Variants in ROBO2 observed in about 807,000 individuals in gnomAD.
ROBO2 encodes roundabout guidance receptor 2.
ROBO2 carries 53 observed loss-of-function variants against 160.8 expected under a neutral mutation model. That is an observed-to-expected ratio of 0.33 (90% CI 0.26 to 0.41). The LOEUF (loss-of-function observed/expected upper bound fraction) is 0.41. Ranked by LOEUF, ROBO2 falls within the 10% of genes least tolerant of loss-of-function variation. The pLI is 1.00. For missense variants in ROBO2, 1,577 were observed against 1,722.4 expected (o/e 0.92, Z 1.49); for synonymous variants, 664 against 611.7 (o/e 1.09, Z -1.26).
chr3:76,617,231 T>C (rs1214278331), intron 2 of ROBO2, among the ~76,000 whole-genome samples: 1 of 152,152 alleles, frequency 6.6e-6, no homozygotes, highest in Non-Finnish European at 1.5e-5. Flanking sequence ...ATCCTTTCTT[T>C]AAATGTGCAG....
chr3:77,618,590 G>GA (rs2094832063), intron 22 of ROBO2, among the ~76,000 whole-genome samples: 1 of 152,028 alleles, frequency 6.6e-6, no homozygotes, highest in Non-Finnish European at 1.5e-5. Context: ...CTTTGTGCTT[G>GA]AAGTCTGAGT....
intron 2 of ROBO2, among the ~76,000 whole-genome samples, chr3:76,009,080 C>T (rs2066116930): frequency 1.3e-5 from 2 of 152,146 alleles, no homozygotes; most frequent in South Asian, 2.1e-4. Flanking sequence ...TTATAACATA[C>T]TTCACAGGAA....
At chr3:77,449,924 A>C (rs2153561056) in intron 2 of ROBO2, among the ~76,000 whole-genome samples, 1 of 152,160 alleles carries the variant, frequency 6.6e-6, no homozygotes, top group African/African-American at 2.4e-5. Context: ...TTTTTAACTG[A>C]CCACAGAGTA....
chr3:76,780,417 A>G (rs1207813008), intron 2 of ROBO2, among the ~76,000 whole-genome samples: 2 of 150,772 alleles, frequency 1.3e-5, no homozygotes, highest in African/African-American at 2.4e-5. Context: ...TTCTGTGTAG[A>G]AGCTTTTTAG....
At chr3:77,427,914 TA>T (rs1195191703) in intron 2 of ROBO2, among the ~76,000 whole-genome samples, 1 of 152,234 alleles carries the variant, frequency 6.6e-6, no homozygotes, top group Non-Finnish European at 1.5e-5. Flanking sequence ...AGATTAATTT[TA>T]TATTCCGTTT....
In ROBO2 at chr3:76,442,232, C is replaced by CA. The variant is rs1280337746; in HGVS notation, c.109+504637dup. On this transcript the variant is annotated intron_variant, in intron 2 of 26. Coordinates refer to the ROBO2 transcript ENST00000487694. ...TGTTGTATTTTTAAGAATGATAGGA[C>CA]AAAAAAACCCGAGGATATATTGTGT... is the stretch of plus-strand genomic sequence containing the variant. 8.6e-5 allele frequency among the ~76,000 whole-genome samples: 13 copies of CA among 151,988 alleles called. 1 individual carries two copies. The highest frequency in any genetic ancestry group is 2.4e-4 in the African/African-American group (10 of 41,392).
At chr3:76,886,380 A>T (rs925479767) in intron 2 of ROBO2, among the ~76,000 whole-genome samples, 1 of 151,434 alleles carries the variant, frequency 6.6e-6, no homozygotes, top group Non-Finnish European at 1.5e-5. Flanking sequence ...ATGTTTGCAG[A>T]CTTCAGCCTT....
Position 76,675,852 on chromosome 3 carries a change from C to T in ROBO2, c.110-422162C>T, listed in dbSNP as rs111997429. ...AGACATAAATTCATGTTTGTTTCTGCATTTATTGAAGGCAATTTTCCAAGT... is the reference window on the plus strand; with the variant it reads ...AGACATAAATTCATGTTTGTTTCTGTATTTATTGAAGGCAATTTTCCAAGT... On this transcript the variant is annotated intron_variant, in intron 2 of 26. Transcript: ENST00000487694. 1.0e-3 allele frequency among the ~76,000 whole-genome samples: 159 copies of T among 152,164 alleles called. 1 individual carries two copies. Among genetic ancestry groups the T allele is most frequent in the African/African-American group, 3.6e-3 (149 of 41,524 alleles).
chr3:76,691,138 T>TG (rs1167079256), intron 2 of ROBO2, among the ~76,000 whole-genome samples: 7 of 152,086 alleles, frequency 4.6e-5, no homozygotes, highest in Non-Finnish European at 7.4e-5. Flanking sequence ...CCCTCATGAA[T>TG]GGATTCATTC....
At chr3:77,373,724 AG>A (rs1231243908) in intron 2 of ROBO2, among the ~76,000 whole-genome samples, 1 of 152,018 alleles carries the variant, frequency 6.6e-6, no homozygotes, top group Non-Finnish European at 1.5e-5. Context: ...TCCTCTCTAT[AG>A]GGAGAAAATT....
At chr3:77,237,266 A>G (rs2088161349) in intron 2 of ROBO2, among the ~76,000 whole-genome samples, 1 of 141,478 alleles carries the variant, frequency 7.1e-6, no homozygotes, top group Non-Finnish European at 1.5e-5. Flanking sequence ...CAGTGGTGTG[A>G]CCACAGCTCA....
At chr3:77,300,590 G>A (rs940064706) in intron 2 of ROBO2, among the ~76,000 whole-genome samples, 2 of 151,734 alleles carry the variant, frequency 1.3e-5, no homozygotes, top group Non-Finnish European at 2.9e-5. Context: ...AAAATAAATT[G>A]TTGATAAGAG....
At position 76,772,731 on chromosome 3, in the gene ROBO2, T is replaced by A. The variant is rs188423835; in HGVS notation, c.110-325283T>A. 2.0e-5 allele frequency among the ~76,000 whole-genome samples: 3 copies of A among 151,180 alleles called. No homozygotes were observed. The East Asian group carries it at 5.9e-4, about 30-fold the overall frequency. On this transcript the variant is annotated intron_variant, in intron 2 of 26. Transcript: ENST00000487694. ...ATCATGGCATGGTCATTTGCCAGAG[T>A]GGACTATTACTAAATCATGTGGATG...
intron 1 of ROBO2, among the ~76,000 whole-genome samples, chr3:77,081,022 A>G (rs1034644924): frequency 6.6e-6 from 1 of 151,952 alleles, no homozygotes; most frequent in African/African-American, 2.4e-5. Flanking sequence ...GATGAGAAAA[A>G]TTTTGTTCTC....
intron 2 of ROBO2, among the ~76,000 whole-genome samples, chr3:76,544,332 T>G (rs2082977485): frequency 6.6e-6 from 1 of 152,082 alleles, no homozygotes; most frequent in Admixed American, 6.6e-5. Flanking sequence ...TTGATCCATC[T>G]ATGTTTAATC....
chr3:75,964,549 G>A (rs1949037554), intron 2 of ROBO2, among the ~76,000 whole-genome samples: 1 of 151,024 alleles, frequency 6.6e-6, no homozygotes, highest in African/African-American at 2.4e-5. Flanking sequence ...TTTTTATTTT[G>A]TATATATTTG....
exon 1 of ROBO2, chr3:77,040,142 TCTC>T (rs955393334): frequency 1.4e-5 from 14 of 983,994 alleles, no homozygotes; most frequent in South Asian, 1.4e-4. Flanking sequence ...TGATTTCCCT[TCTC>T]CTCTCTTTTG....
At chr3:76,588,948 A>T (rs2086235540) in intron 2 of ROBO2, among the ~76,000 whole-genome samples, 2 of 152,226 alleles carry the variant, frequency 1.3e-5, no homozygotes, top group Non-Finnish European at 2.9e-5. Flanking sequence ...ATCTGAGCAC[A>T]GTTTCTAATA....
At chr3:77,515,752 T>C (rs183182939) in intron 5 of ROBO2, among the ~76,000 whole-genome samples, 2 of 151,842 alleles carry the variant, frequency 1.3e-5, no homozygotes, top group African/African-American at 4.8e-5. Context: ...AAAATCTTTG[T>C]AATATAGTTG....
Sources: allele counts gnomAD v4.1 joint callset (sites outside exome capture counted in the v4.1 genomes callset), GRCh38; gene constraint gnomAD v4.1.1; transcripts MANE v1.5; gene names NCBI Gene and HGNC (gene_info 2026-07-23, HGNC 2026-07-21).